PTPRN2: variants seen among roughly 807,000 people sequenced by gnomAD.
PTPRN2 encodes protein tyrosine phosphatase receptor type N2.
A neutral mutation model predicts 118.8 loss-of-function variants in PTPRN2; 74 were observed. That is an observed-to-expected ratio of 0.62 (90% CI 0.52 to 0.76). PTPRN2 has a LOEUF of 0.76. Ranked by LOEUF, PTPRN2 falls within the 30% of genes least tolerant of loss-of-function variation. The pLI, the probability that PTPRN2 is intolerant of heterozygous loss-of-function variation, is 0.00. For missense variants in PTPRN2, 1,481 were observed against 1,394.4 expected (o/e 1.06, Z -0.99); for synonymous variants, 641 against 608.0 (o/e 1.05, Z -0.80).
intron 2 of PTPRN2, among the ~76,000 whole-genome samples, chr7:158,341,350 A>G (rs1444112447): frequency 2.4e-4 from 36 of 149,286 alleles, no homozygotes; most frequent in Non-Finnish European, 8.9e-5. Flanking sequence ...CTCTCACCAT[A>G]AGAGGTAACA....
chr7:158,329,336 C>G (rs1020789246), intron 2 of PTPRN2, among the ~76,000 whole-genome samples: 2 of 152,182 alleles, frequency 1.3e-5, no homozygotes, highest in Non-Finnish European at 2.9e-5. Context: ...CACTTCCCAG[C>G]CTTTTACCTT....
chr7:158,511,632 A>T (rs1484018833), intron 1 of PTPRN2, among the ~76,000 whole-genome samples: 1 of 152,162 alleles, frequency 6.6e-6, no homozygotes, highest in Non-Finnish European at 1.5e-5. Context: ...TTTGCCTCTC[A>T]CACAATCGCA....
chr7:158,576,390 A>G (rs1828316866), intron 1 of PTPRN2, among the ~76,000 whole-genome samples: 1 of 152,184 alleles, frequency 6.6e-6, no homozygotes, highest in Non-Finnish European at 1.5e-5. Flanking sequence ...TTTTAAGCAC[A>G]TTCCAGGCAC....
rs189934260 is a variant in PTPRN2, at chr7:158,559,287, T to C, written c.112+28271A>G. Among the ~76,000 whole-genome samples, 185 of 152,346 alleles carry C rather than the reference T, an allele frequency of 1.2e-3. 1 individual carries two copies. Among genetic ancestry groups the C allele is most frequent in the African/African-American group, 4.3e-3 (180 of 41,594 alleles). ...GCAAAAAAGAAGAAAATAAAATGCATTCACCACATCCTACTCATACTTCTC... is the reference window on the plus strand; with the variant it reads ...GCAAAAAAGAAGAAAATAAAATGCACTCACCACATCCTACTCATACTTCTC... On this transcript the variant is annotated intron_variant, in intron 1 of 22. Transcript: ENST00000389418.
intron 13 of PTPRN2, among the ~76,000 whole-genome samples, chr7:157,657,833 T>C (rs113444034): frequency 1.7e-4 from 8 of 46,514 alleles, no homozygotes; most frequent in Admixed American, 5.5e-4. Context: ...TACACACACA[T>C]ACACCACACA....
At chr7:157,573,954 T>C (rs2150519523) in intron 19 of PTPRN2, among the ~76,000 whole-genome samples, 1 of 150,738 alleles carries the variant, frequency 6.6e-6, no homozygotes, top group African/African-American at 2.4e-5. Context: ...GGCTGAGGAC[T>C]TTATTTACAA....
In PTPRN2 at chr7:158,544,182, C is replaced by T. The variant is rs1012339845; in HGVS notation, c.112+43376G>A. ...TCTGCCCGCATGATCTGCCTCTCCCCAAAACAGACTATCATTACCCGGTGT... is the reference window on the plus strand; with the variant it reads ...TCTGCCCGCATGATCTGCCTCTCCCTAAAACAGACTATCATTACCCGGTGT... On this transcript the variant is annotated intron_variant, in intron 1 of 22. Transcript: ENST00000389418. The surrounding 1 kb of genome is among the most constrained non-coding windows in gnomAD (Gnocchi z 4.2). Among the ~76,000 whole-genome samples the T allele has an allele frequency of 6.6e-6, 1 of 152,124 alleles. No individual in the cohort carries two copies. The highest frequency in any genetic ancestry group is 2.4e-5 in the African/African-American group (1 of 41,412).
At chr7:158,425,150 C>T (rs1185213269) in intron 2 of PTPRN2, among the ~76,000 whole-genome samples, 1 of 152,262 alleles carries the variant, frequency 6.6e-6, no homozygotes, top group African/African-American at 2.4e-5. Flanking sequence ...TGATGCACTG[C>T]CAGGAAAGAC....
intron 12 of PTPRN2, among the ~76,000 whole-genome samples, chr7:157,770,758 C>T (rs866585324): frequency 2.6e-5 from 4 of 152,268 alleles, no homozygotes; most frequent in African/African-American, 4.8e-5. Context: ...GGTCATGAGG[C>T]GCCTGCATTC....
chr7:157,548,843 G>T, intron 22 of PTPRN2, 103 bp downstream of exon 22: 2 of 1,150,660 alleles, frequency 1.7e-6, no homozygotes, highest in Non-Finnish European at 2.6e-6. Flanking sequence ...CAATCGGTGT[G>T]CGGCTCACAT....
intron 12 of PTPRN2, among the ~76,000 whole-genome samples, chr7:157,839,951 T>A (rs980343529): frequency 2.0e-5 from 3 of 150,806 alleles, no homozygotes; most frequent in African/African-American, 4.9e-5. Context: ...TGCGTGTGAC[T>A]GTGTGGCCAC....
intron 12 of PTPRN2, among the ~76,000 whole-genome samples, chr7:157,760,140 C>T (rs1471910385): frequency 6.6e-6 from 1 of 152,170 alleles, no homozygotes; most frequent in Non-Finnish European, 1.5e-5. Context: ...CTCCTTCTGC[C>T]CCCACATCAC....
chr7:157,873,898 T>G (rs1795545524), intron 12 of PTPRN2, among the ~76,000 whole-genome samples: 1 of 152,066 alleles, frequency 6.6e-6, no homozygotes, highest in Non-Finnish European at 1.5e-5. Flanking sequence ...AAGAGGGGCT[T>G]CAGGGCACGG....
intron 12 of PTPRN2, among the ~76,000 whole-genome samples, chr7:157,888,895 C>T (rs1274489261): frequency 6.6e-6 from 1 of 152,152 alleles, no homozygotes; most frequent in African/African-American, 2.4e-5. Context: ...GAACTAGACA[C>T]ACACATTGTT....
chr7:157,723,380 C>T (rs1799352561), intron 12 of PTPRN2, among the ~76,000 whole-genome samples: 1 of 152,188 alleles, frequency 6.6e-6, no homozygotes, highest in African/African-American at 2.4e-5. Context: ...CCCGGCTGGC[C>T]ACCTGTCCCC....
intron 2 of PTPRN2, among the ~76,000 whole-genome samples, chr7:158,358,683 C>A (rs990588067): frequency 3.9e-5 from 6 of 152,222 alleles, no homozygotes; most frequent in Non-Finnish European, 5.9e-5. Context: ...GCACGCGGTG[C>A]TGCCTTTAGC....
At chr7:157,727,176 C>T (rs1025862376) in intron 12 of PTPRN2, among the ~76,000 whole-genome samples, 12 of 152,106 alleles carry the variant, frequency 7.9e-5, no homozygotes, top group South Asian at 2.1e-4. Flanking sequence ...GGTATTTGCA[C>T]GCCAGGTTCA....
rs138181662 is a variant in PTPRN2, at chr7:157,763,580, C to G, written c.1789-80643G>C. 2.0e-5 allele frequency among the ~76,000 whole-genome samples: 3 copies of G among 152,072 alleles called. No individual in the cohort carries two copies. In the East Asian group the frequency reaches 5.8e-4, roughly 30 times the overall value. ...TTTCAGAGTTGGGAGCAGCTGCCCC[C>G]CTGGCCATGGGGGAAGGCCACGCCC... On this transcript the variant is annotated intron_variant, in intron 12 of 22. Transcript: ENST00000389418. This position sits in a 1 kb window ranked among gnomAD's most constrained non-coding sequence, Gnocchi z 4.9.
chr7:158,436,113 G>T (rs1009807911), intron 2 of PTPRN2, among the ~76,000 whole-genome samples: 15 of 152,174 alleles, frequency 9.9e-5, no homozygotes, highest in Non-Finnish European at 8.8e-5. Flanking sequence ...TGACTTATTA[G>T]TGTAACACGC....
Sources: allele counts gnomAD v4.1 joint callset (sites outside exome capture counted in the v4.1 genomes callset), GRCh38; gene constraint gnomAD v4.1.1; non-coding constraint Gnocchi (gnomAD v3.1); transcripts MANE v1.5; gene names NCBI Gene and HGNC (gene_info 2026-07-23, HGNC 2026-07-21).